Variants in UIMC1 observed in about 807,000 individuals in gnomAD.
The protein encoded by UIMC1 is BRCA1-A complex subunit RAP80.
Under a neutral mutation model 84.9 loss-of-function variants are expected in UIMC1, and 42 were observed. The ratio of observed to expected loss-of-function variants is 0.49; its 90% CI spans 0.39 to 0.64. UIMC1 has a LOEUF of 0.64. Among genes scored for constraint, UIMC1 ranks in the 30% least tolerant of loss-of-function variants. The pLI, the probability that UIMC1 is intolerant of heterozygous loss-of-function variation, is 0.00. For missense variants in UIMC1, 825 were observed against 847.6 expected (o/e 0.97, Z 0.33); for synonymous variants, 281 against 293.0 (o/e 0.96, Z 0.42).
intron 8 of UIMC1, among the ~76,000 whole-genome samples, chr5:176,954,374 C>G (rs1766309249): frequency 6.6e-6 from 1 of 151,834 alleles, no homozygotes; most frequent in Admixed American, 6.6e-5. Context: ...GTAGTGTAGT[C>G]TCTTAGTGGG....
At chr5:176,943,905 T>C (rs529516797) in intron 9 of UIMC1, among the ~76,000 whole-genome samples, 2 of 152,148 alleles carry the variant, frequency 1.3e-5, no homozygotes, top group Non-Finnish European at 2.9e-5. Context: ...AGTGGGAGTG[T>C]TGAGATTCAA....
chr5:176,984,356 G>A (rs1164307756), intron 1 of UIMC1, among the ~76,000 whole-genome samples: 3 of 139,700 alleles, frequency 2.1e-5, no homozygotes, highest in Admixed American at 7.1e-5. Flanking sequence ...GAAGTGAGGA[G>A]TGCCTCTGCC....
Position 176,959,328 on chromosome 5 carries a change from T to C in UIMC1, c.1201-1174A>G, listed in dbSNP as rs1271986334. On this transcript the variant is annotated intron_variant, in intron 6 of 14. Coordinates refer to ENST00000511320, the MANE Select transcript of UIMC1 (RefSeq NM_001199298.2). ...TTTTATAATGACTAGCCTTGGTCTT[T>C]AGATGCAATCAAAGCACTAGTAAGT... Among the ~76,000 whole-genome samples, 5 of 152,230 alleles carry C rather than the reference T, an allele frequency of 3.3e-5. No homozygotes were observed. In the East Asian group the frequency reaches 9.6e-4, roughly 29 times the overall value.
At chr5:176,996,030 T>C (rs1238241878) in intron 1 of UIMC1, among the ~76,000 whole-genome samples, 1 of 152,112 alleles carries the variant, frequency 6.6e-6, no homozygotes, top group Admixed American at 6.6e-5. Context: ...GGACAAAAAC[T>C]GGAAATAACC....
intron 2 of UIMC1, among the ~76,000 whole-genome samples, chr5:176,978,087 G>A (rs958571904): frequency 1.6e-4 from 25 of 152,032 alleles, no homozygotes; most frequent in African/African-American, 6.0e-4. Context: ...AACTCAGTTG[G>A]TAGGCCGGGT....
intron 10 of UIMC1, among the ~76,000 whole-genome samples, chr5:176,921,995 T>C (rs1173114533): frequency 1.3e-5 from 2 of 152,088 alleles, no homozygotes; most frequent in African/African-American, 2.4e-5. Context: ...CTAAGAAACA[T>C]GCCAAACACA....
chr5:176,975,919 AC>A (rs1217003518), intron 2 of UIMC1, among the ~76,000 whole-genome samples: 4 of 152,204 alleles, frequency 2.6e-5, no homozygotes, highest in Non-Finnish European at 4.4e-5. Context: ...GCAAAAGAGA[AC>A]CAAATACACC....
intron 1 of UIMC1, among the ~76,000 whole-genome samples, chr5:176,995,782 G>A (rs935503870): frequency 1.4e-5 from 2 of 146,836 alleles, no homozygotes; most frequent in Non-Finnish European, 3.0e-5. Flanking sequence ...GGCAGAGGTT[G>A]CGGTGAGCCG....
chr5:177,013,881 TGCCTGAGCCTAGGA>T (rs1189068589), intron 1 of UIMC1, among the ~76,000 whole-genome samples: 1 of 152,092 alleles, frequency 6.6e-6, no homozygotes, highest in Non-Finnish European at 1.5e-5. Context: ...CAGGGAAACT[TGCCTGAGCCTAGGA>T]ATCCAGGGTT....
chr5:176,959,062 TAC>T (rs772149664), intron 6 of UIMC1, among the ~76,000 whole-genome samples: 6 of 152,214 alleles, frequency 3.9e-5, no homozygotes, highest in Non-Finnish European at 8.8e-5. Flanking sequence ...AATGATGAAA[TAC>T]ATTTAAAAAT....
chr5:176,924,090 G>A (rs1762082865), intron 10 of UIMC1, among the ~76,000 whole-genome samples: 1 of 151,898 alleles, frequency 6.6e-6, no homozygotes, highest in African/African-American at 2.4e-5. Flanking sequence ...GGCCGAGGCA[G>A]GTGGATCACC....
At chr5:176,910,422 T>A (rs1759971629) in intron 11 of UIMC1, among the ~76,000 whole-genome samples, 1 of 152,218 alleles carries the variant, frequency 6.6e-6, no homozygotes, top group Non-Finnish European at 1.5e-5. Context: ...ACCAAGGGGA[T>A]CTTATGAGTC....
At chr5:177,007,062 C>T (rs1238382446), upstream of UIMC1, among the ~76,000 whole-genome samples, 1 of 152,080 alleles carries the variant, frequency 6.6e-6, no homozygotes, top group Non-Finnish European at 1.5e-5. Context: ...ACGGAAATGC[C>T]GGGTGCGATG....
intron 10 of UIMC1, among the ~76,000 whole-genome samples, chr5:176,919,542 A>C (rs559116503): frequency 2.0e-5 from 3 of 152,290 alleles, no homozygotes; most frequent in Admixed American, 2.0e-4. Flanking sequence ...TGTGTTGCCC[A>C]GGTGGGACTC....
intron 10 of UIMC1, among the ~76,000 whole-genome samples, chr5:176,931,954 CAG>C: frequency 6.6e-6 from 1 of 152,302 alleles, no homozygotes; most frequent in African/African-American, 2.4e-5. Flanking sequence ...GCCTGGGCGA[CAG>C]AGCGAGAATC....
chr5:176,949,945 T>C lies in UIMC1; in HGVS notation c.1443+1529A>G, dbSNP rs543263892. Among the ~76,000 whole-genome samples, 23 of 151,722 alleles carry C rather than the reference T, an allele frequency of 1.5e-4. No individual in the cohort carries two copies. In the South Asian group the frequency reaches 4.8e-3, roughly 32 times the overall value. On this transcript the variant is annotated intron_variant, in intron 9 of 14. Coordinates refer to ENST00000511320, the MANE Select transcript of UIMC1 (RefSeq NM_001199298.2). ...GGCGGGCACCTGTAATCCTAGTTAC[T>C]TGGGAGGCTGAGGCATGAGAATCAC... is the stretch of plus-strand genomic sequence containing the variant.
intron 1 of UIMC1, among the ~76,000 whole-genome samples, chr5:176,985,444 G>A (rs1298935046): frequency 6.8e-6 from 1 of 146,634 alleles, no homozygotes; most frequent in Non-Finnish European, 1.5e-5. Context: ...CAACAAGAGG[G>A]GAATTCTGTC....
At chr5:176,990,691 G>C (rs968975765) in intron 1 of UIMC1, among the ~76,000 whole-genome samples, 43 of 152,142 alleles carry the variant, frequency 2.8e-4, no homozygotes, top group African/African-American at 9.9e-4. Context: ...TTTGTTTCTT[G>C]AGATAGGGGC....
chr5:176,969,031 C>T lies in UIMC1; in HGVS notation c.724G>A (p.Ala242Thr), dbSNP rs11547756. The change falls in exon 6 of 15, where the codon GCT becomes ACT. Residue 242 changes from alanine (A) to threonine (T), a missense_variant. Ala to Thr is a moderately conservative substitution (Grantham distance 58). Coordinates refer to ENST00000511320, the MANE Select transcript of UIMC1 (RefSeq NM_001199298.2). The stretch of plus-strand genomic sequence containing the variant: ...CTACCCTGGACAGCTTTGAGAAAAG[C>T]AGAACCCCTCCCAGTACTTTCCTGT... ...KPQESTGRGS[A>T]FLKAVQGSGD... 14 of 1,614,200 alleles carry T rather than the reference C, an allele frequency of 8.7e-6. No homozygotes were observed. The Middle Eastern group carries it at 2.3e-3, about 266-fold the overall frequency.
Sources: allele counts gnomAD v4.1 joint callset (sites outside exome capture counted in the v4.1 genomes callset), GRCh38; gene constraint gnomAD v4.1.1; transcripts MANE v1.5; gene names NCBI Gene and HGNC (gene_info 2026-07-23, HGNC 2026-07-21).